COL25A1: variants seen among roughly 807,000 people sequenced by gnomAD.
The protein encoded by COL25A1 is collagen type XXV alpha 1 chain.
A neutral mutation model predicts 128.4 loss-of-function variants in COL25A1; 103 were observed. That is an observed-to-expected ratio of 0.80 (90% CI 0.68 to 0.94). COL25A1 has a LOEUF of 0.94. Among genes scored for constraint, COL25A1 ranks in the 40% least tolerant of loss-of-function variants. COL25A1 has a pLI of 0.00. For missense variants in COL25A1, 745 were observed against 840.0 expected (o/e 0.89, Z 1.40); for synonymous variants, 279 against 277.2 (o/e 1.01, Z -0.06).
chr4:109,279,731 T>C (rs1560973899), intron 3 of COL25A1, among the ~76,000 whole-genome samples: 1 of 152,226 alleles, frequency 6.6e-6, no homozygotes. Flanking sequence ...TTATCAATTG[T>C]ATTAATTATT....
At chr4:108,838,015 C>T (rs1029317861) in intron 31 of COL25A1, 12 of 934,996 alleles carry the variant, frequency 1.3e-5, no homozygotes, top group Non-Finnish European at 2.0e-5. Flanking sequence ...ACAGTACGAG[C>T]TGCTGAGTAA....
chr4:109,010,996 T>C lies in COL25A1; in HGVS notation c.421-621A>G, dbSNP rs377523323. On this transcript the variant is annotated intron_variant, in intron 5 of 37. Coordinates refer to ENST00000399132, the MANE Select transcript of COL25A1 (RefSeq NM_198721.4). ...CTAACTCTTCACACAGTCAATGGAT[T>C]ATGTGACCTCTGTCCAATCTAATTT... 1.3e-4 allele frequency among the ~76,000 whole-genome samples: 20 copies of C among 152,358 alleles called. No homozygotes were observed. In the South Asian group the frequency reaches 3.9e-3, roughly 30 times the overall value.
intron 12 of COL25A1, among the ~76,000 whole-genome samples, chr4:108,919,142 T>A (rs1250440575): frequency 2.6e-5 from 4 of 152,116 alleles, no homozygotes; most frequent in Non-Finnish European, 4.4e-5. Flanking sequence ...TTTTTTAAAA[T>A]CTGTAATTAT....
chr4:108,905,122 C>T (rs530878451), intron 13 of COL25A1, among the ~76,000 whole-genome samples: 69 of 152,192 alleles, frequency 4.5e-4, no homozygotes, highest in Middle Eastern at 3.4e-3. Flanking sequence ...GATAGTCTTC[C>T]TTTCTGGAAA....
chr4:108,830,824 G>C (rs1733005654), intron 32 of COL25A1, among the ~76,000 whole-genome samples: 1 of 152,254 alleles, frequency 6.6e-6, no homozygotes, highest in Non-Finnish European at 1.5e-5. Context: ...GAGATTTGCT[G>C]CTCCATTTTT....
At chr4:109,272,678 G>A (rs1401749362) in intron 3 of COL25A1, among the ~76,000 whole-genome samples, 1 of 152,210 alleles carries the variant, frequency 6.6e-6, no homozygotes, top group Non-Finnish European at 1.5e-5. Flanking sequence ...GAGATGCAAA[G>A]TGGTATTACT....
At position 108,842,870 on chromosome 4, in the gene COL25A1, C is replaced by T. The variant is rs117390783; in HGVS notation, c.1630-1149G>A. ...TTTAAGAAAATAAGGTCACACTGGG[C>T]GAGGTGGCTCACATCTGTAATCCTA... On this transcript the variant is annotated intron_variant, in intron 30 of 37. Transcript: ENST00000399132. Among the ~76,000 whole-genome samples, 168 of 152,156 alleles carry T rather than the reference C, an allele frequency of 1.1e-3. No homozygotes were observed. In the East Asian group the frequency reaches 0.022, roughly 20 times the overall value.
chr4:109,085,324 T>A (rs1341101787), intron 3 of COL25A1, among the ~76,000 whole-genome samples: 1 of 152,228 alleles, frequency 6.6e-6, no homozygotes, highest in Non-Finnish European at 1.5e-5. Context: ...GCACGTTCCC[T>A]TCAGATGAAG....
intron 26 of COL25A1, among the ~76,000 whole-genome samples, 183 bp downstream of exon 26, chr4:108,852,053 C>T (rs1560748441): frequency 6.6e-6 from 1 of 151,866 alleles, no homozygotes; most frequent in Non-Finnish European, 1.5e-5. Context: ...TTCCCTTCTT[C>T]TTTTCTAATT....
At chr4:108,942,569 T>A (rs1196930287) in intron 8 of COL25A1, among the ~76,000 whole-genome samples, 1 of 151,656 alleles carries the variant, frequency 6.6e-6, no homozygotes, top group Non-Finnish European at 1.5e-5. Flanking sequence ...TCAGCCTCCC[T>A]AGTAGCTGGG....
At chr4:109,276,132 C>A (rs990139744) in intron 3 of COL25A1, among the ~76,000 whole-genome samples, 1 of 152,114 alleles carries the variant, frequency 6.6e-6, no homozygotes, top group East Asian at 1.9e-4. Context: ...ATTTCTTGGC[C>A]AGGCGCAGTG....
At chr4:109,258,496 C>G (rs528219164) in intron 3 of COL25A1, among the ~76,000 whole-genome samples, 1 of 152,006 alleles carries the variant, frequency 6.6e-6, no homozygotes, top group Non-Finnish European at 1.5e-5. Flanking sequence ...GACTAAAATA[C>G]GTAAAACACT....
chr4:109,085,632 A>G (rs1231688369), intron 3 of COL25A1, among the ~76,000 whole-genome samples: 1 of 152,208 alleles, frequency 6.6e-6, no homozygotes, highest in African/African-American at 2.4e-5. Flanking sequence ...ATAGAATGCA[A>G]AAACTTTTGT....
At chr4:108,983,303 T>G (rs763842948) in intron 6 of COL25A1, among the ~76,000 whole-genome samples, 1 of 152,222 alleles carries the variant, frequency 6.6e-6, no homozygotes, top group Non-Finnish European at 1.5e-5. Context: ...TTTAATGCCC[T>G]AGTAGCCCTG....
intron 30 of COL25A1, 123 bp from the exon 31 acceptor site, chr4:108,841,844 G>A (rs1734497757): frequency 5.0e-6 from 4 of 796,236 alleles, no homozygotes; most frequent in Non-Finnish European, 8.4e-6. Flanking sequence ...GCTATAGGTA[G>A]AGGCAGGCTA....
At chr4:108,825,653 T>C (rs1404531470) in intron 33 of COL25A1, among the ~76,000 whole-genome samples, 1 of 152,182 alleles carries the variant, frequency 6.6e-6, no homozygotes, top group Admixed American at 6.6e-5. Flanking sequence ...AAAAATACTG[T>C]TTAGCTGATT....
At chr4:109,003,935 A>G (rs1238260799) in intron 6 of COL25A1, among the ~76,000 whole-genome samples, 1 of 151,030 alleles carries the variant, frequency 6.6e-6, no homozygotes, top group Non-Finnish European at 1.5e-5. Context: ...TATTTACTTT[A>G]TTCCCTTTCT....
chr4:109,144,907 G>A (rs981384059), intron 3 of COL25A1, among the ~76,000 whole-genome samples: 123 of 152,224 alleles, frequency 8.1e-4, no homozygotes, highest in African/African-American at 2.9e-3. Context: ...ATTGTTTCAG[G>A]TAATATTGAT....
At position 109,083,448 on chromosome 4, in the gene COL25A1, ATTTTTTTTTTTTT is replaced by A. The variant is rs60165291; in HGVS notation, c.368-33282_368-33270del. On this transcript the variant is annotated intron_variant, in intron 3 of 37. Transcript: ENST00000399132. The stretch of plus-strand genomic sequence containing the variant: ...CACCAATAACTTTTACACTAAATAA[ATTTTTTTTTTTTT>A]TTTTTTTTTTTTTTTTTTTGAGACG... 1.0e-3 allele frequency among the ~76,000 whole-genome samples: 78 copies of A among 77,070 alleles called. 2 individuals are homozygous for A. Among genetic ancestry groups the A allele is most frequent in the African/African-American group, 3.5e-3 (73 of 20,862 alleles). The allele number at this position is 77,070 out of a possible 152,430, so 50.6% of individuals were successfully genotyped here. A position where few individuals can be genotyped will look rare whatever the true frequency, so the allele number is the denominator to read the frequency against.
Sources: allele counts gnomAD v4.1 joint callset (sites outside exome capture counted in the v4.1 genomes callset), GRCh38; gene constraint gnomAD v4.1.1; transcripts MANE v1.5; gene names NCBI Gene and HGNC (gene_info 2026-07-23, HGNC 2026-07-21).